PPP1R2: variants seen among roughly 807,000 people sequenced by gnomAD.
The protein encoded by PPP1R2 is protein phosphatase inhibitor 2.
PPP1R2 carries 16 observed loss-of-function variants against 29.9 expected under a neutral mutation model. The ratio of observed to expected loss-of-function variants is 0.53; its 90% confidence interval spans 0.36 to 0.81. PPP1R2 has a LOEUF of 0.81. PPP1R2 is among the 30% of genes least tolerant of loss of function. The pLI, the probability that PPP1R2 is intolerant of heterozygous loss-of-function variation, is 0.00. For missense variants in PPP1R2, 197 were observed against 252.7 expected (o/e 0.78, Z 1.49); for synonymous variants, 76 against 91.5 (o/e 0.83, Z 0.96).
At chr3:195,524,933 CA>C in intron 2 of PPP1R2, 37 bp from the exon 3 acceptor site, 1 of 1,553,986 alleles carries the variant, frequency 6.4e-7, no homozygotes, top group Non-Finnish European at 8.9e-7. Flanking sequence ...ATACCTGAAA[CA>C]TACATTTTCA....
chr3:195,516,279 G>GA lies in PPP1R2; in HGVS notation c.*616dup, dbSNP rs576619261. 36 of 152,628 alleles carry GA rather than the reference G, an allele frequency of 2.4e-4. No homozygotes were observed. Among genetic ancestry groups the GA allele is most frequent in the East Asian group, 1.3e-3 (7 of 5,192 alleles). 9.5% of individuals were successfully genotyped at this position (152,628 alleles called of 1,614,324 possible). ...TTTAACCTGATAATTTATTTGTGGG[G>GA]AAAAAAGCTAGTTTTGATGAGAAAA... On this transcript the variant is annotated 3_prime_UTR_variant, in exon 6 of 6. Coordinates refer to ENST00000618156, the MANE Select transcript of PPP1R2 (RefSeq NM_006241.8).
chr3:195,538,795 C>T (rs1458987678), intron 1 of PPP1R2, among the ~76,000 whole-genome samples: 3 of 152,102 alleles, frequency 2.0e-5, no homozygotes, highest in Non-Finnish European at 4.4e-5. Context: ...ATAAGACTAA[C>T]ATTTGAGGGT....
intron 5 of PPP1R2, among the ~76,000 whole-genome samples, chr3:195,517,941 T>C (rs994890905): frequency 2.6e-5 from 4 of 152,212 alleles, no homozygotes; most frequent in African/African-American, 9.6e-5. Flanking sequence ...GGCTGTATCA[T>C]AGAATTATTC....
intron 2 of PPP1R2, chr3:195,528,809 G>A (rs2108946403): frequency 7.6e-6 from 1 of 131,232 alleles, no homozygotes; most frequent in Non-Finnish European, 1.5e-5. Context: ...CTCTGCCTCT[G>A]TAATCTCAAA....
At chr3:195,526,337 A>G (rs2108944037) in intron 2 of PPP1R2, among the ~76,000 whole-genome samples, 1 of 152,116 alleles carries the variant, frequency 6.6e-6, no homozygotes, top group South Asian at 2.1e-4. Context: ...AGCTCAAGCA[A>G]TCCTCCCACC....
intron 4 of PPP1R2, chr3:195,523,326 A>C (rs1262374386): frequency 4.4e-6 from 1 of 226,754 alleles, no homozygotes; most frequent in Non-Finnish European, 8.9e-6. Flanking sequence ...CACAAAAAGC[A>C]TAAGCAACTG....
At chr3:195,521,892 C>T (rs1464406597) in intron 4 of PPP1R2, among the ~76,000 whole-genome samples, 1 of 152,116 alleles carries the variant, frequency 6.6e-6, no homozygotes, top group Admixed American at 6.6e-5. Flanking sequence ...CTCAAGAGAT[C>T]CTCCTGTCTC....
chr3:195,543,286 G>A lies in PPP1R2; in HGVS notation c.-261C>T, dbSNP rs895077167. The A allele has an allele frequency of 2.0e-5, 7 of 351,846 alleles. No individual in the cohort carries two copies. Among genetic ancestry groups the A allele is most frequent in the African/African-American group, 6.4e-5 (3 of 46,592 alleles). 21.8% of individuals were successfully genotyped at this position (351,846 alleles called of 1,614,324 possible). A position where few individuals can be genotyped will look rare whatever the true frequency, so the allele number is the denominator to read the frequency against. On this transcript the variant is annotated 5_prime_UTR_variant, in exon 1 of 6. Coordinates refer to ENST00000618156, the MANE Select transcript of PPP1R2 (RefSeq NM_006241.8). ...GACCCGCGGCTCGCGGAGAGACGCCGGCCTAGAGCTCCAGCGCAGGAGCGA... is the reference window on the plus strand; with the variant it reads ...GACCCGCGGCTCGCGGAGAGACGCCAGCCTAGAGCTCCAGCGCAGGAGCGA...
chr3:195,518,024 C>G (rs1718612063), intron 5 of PPP1R2, among the ~76,000 whole-genome samples: 1 of 152,040 alleles, frequency 6.6e-6, no homozygotes, highest in African/African-American at 2.4e-5. Flanking sequence ...CCATTCTGGG[C>G]ACCACAAATA....
intron 2 of PPP1R2, among the ~76,000 whole-genome samples, chr3:195,526,362 T>C (rs1718971301): frequency 6.6e-6 from 1 of 151,640 alleles, no homozygotes; most frequent in Non-Finnish European, 1.5e-5. Flanking sequence ...CCTCCTAAAG[T>C]GCTGGGATTA....
At chr3:195,519,543 T>C (rs1577563038) in intron 4 of PPP1R2, 1 of 166,266 alleles carries the variant, frequency 6.0e-6, no homozygotes, top group Admixed American at 6.4e-5. Flanking sequence ...GTACAATGCC[T>C]GTCACATACA....
chr3:195,519,356 C>T (rs1718670209), intron 4 of PPP1R2, 171 bp from the exon 5 acceptor site: 3 of 480,840 alleles, frequency 6.2e-6, no homozygotes, highest in Non-Finnish European at 7.2e-6. Flanking sequence ...GACCACTGGG[C>T]CCTGCAAAAT....
chr3:195,523,596 C>T, intron 4 of PPP1R2, 96 bp downstream of exon 4: 1 of 961,834 alleles, frequency 1.0e-6, no homozygotes, highest in Non-Finnish European at 1.6e-6. Context: ...CTGTGTGTCC[C>T]CAAAATGAAA....
At chr3:195,519,819 T>C (rs1718683330) in intron 4 of PPP1R2, among the ~76,000 whole-genome samples, 1 of 151,414 alleles carries the variant, frequency 6.6e-6, no homozygotes, top group Non-Finnish European at 1.5e-5. Flanking sequence ...GTCTTCACCA[T>C]AGAAACATAA....
In PPP1R2 at chr3:195,516,002, G is replaced by A. The variant is rs79884421; in HGVS notation, c.*894C>T. 6.6e-6 allele frequency: 1 copy of A among 152,152 alleles called. No individual in the cohort carries two copies. The highest frequency in any genetic ancestry group is 2.4e-5 in the African/African-American group (1 of 41,450). 9.4% of individuals were successfully genotyped at this position (152,152 alleles called of 1,614,324 possible). A position where few individuals can be genotyped will look rare whatever the true frequency, so the allele number is the denominator to read the frequency against. ...AAATGACAGAAGAGTGAGAGAAAGA[G>A]CTCCTAATGTGGTGACAGTCTTAAT... On this transcript the variant is annotated 3_prime_UTR_variant, in exon 6 of 6. Transcript: ENST00000618156.
intron 2 of PPP1R2, chr3:195,528,700 C>CTTTTTTTTTTTTTTTTTTTT (rs767313014): frequency 1.3e-5 from 1 of 76,654 alleles, no homozygotes; most frequent in African/African-American, 5.3e-5. Flanking sequence ...TAGGGCATAA[C>CTTTTTTTTTTTTTTTTTTTT]TATTTTTTTT....
At chr3:195,525,797 C>T (rs1480038471) in intron 2 of PPP1R2, among the ~76,000 whole-genome samples, 1 of 152,152 alleles carries the variant, frequency 6.6e-6, no homozygotes, top group African/African-American at 2.4e-5. Context: ...TTATAAAATA[C>T]TGCCAGTTTA....
chr3:195,531,223 A>G (rs1277944518), intron 1 of PPP1R2, among the ~76,000 whole-genome samples: 1 of 152,192 alleles, frequency 6.6e-6, no homozygotes, highest in East Asian at 1.9e-4. Flanking sequence ...AAATGCTTAC[A>G]TACTCCTTAA....
intron 1 of PPP1R2, among the ~76,000 whole-genome samples, chr3:195,537,824 C>A (rs1365530449): frequency 6.6e-6 from 1 of 151,930 alleles, no homozygotes; most frequent in Middle Eastern, 3.2e-3. Context: ...CAAAAAAAGA[C>A]AACAATAGCT....
Sources: gnomAD v4.1 joint callset for allele counts (sites outside exome capture counted in the v4.1 genomes callset) on GRCh38, gnomAD v4.1.1 for gene constraint, MANE v1.5 for transcripts, NCBI Gene and HGNC (gene_info 2026-07-23, HGNC 2026-07-21) for gene names.